JAK1: variants seen among roughly 807,000 people sequenced by gnomAD.
JAK1 encodes Janus kinase 1.
Under a neutral mutation model 136.6 loss-of-function variants are expected in JAK1, and 16 were observed. The ratio of observed to expected loss-of-function variants is 0.12; its 90% CI spans 0.08 to 0.18. The LOEUF (loss-of-function observed/expected upper bound fraction) is 0.18, where lower values mean the gene tolerates loss of function less well. Among genes scored for constraint, JAK1 ranks in the 10% least tolerant of loss-of-function variants. The pLI, the probability that JAK1 is intolerant of heterozygous loss-of-function variation, is 1.00. For missense variants in JAK1, 859 were observed against 1,450.1 expected (o/e 0.59, Z 6.62); for synonymous variants, 492 against 519.5 (o/e 0.95, Z 0.72).
intron 2 of JAK1, chr1:64,974,501 A>G (rs1192465741): frequency 6.6e-6 from 1 of 152,250 alleles, no homozygotes; most frequent in African/African-American, 2.4e-5. Flanking sequence ...AGGTATATAT[A>G]AACTAACCAT....
intron 1 of JAK1, among the ~76,000 whole-genome samples, chr1:64,905,152 CT>C: frequency 6.6e-6 from 1 of 152,294 alleles, no homozygotes; most frequent in South Asian, 2.1e-4. Flanking sequence ...CATCCCACAT[CT>C]TTCTGCAAGT....
At chr1:64,936,539 C>T (rs1222711754) in intron 1 of JAK1, among the ~76,000 whole-genome samples, 4 of 152,136 alleles carry the variant, frequency 2.6e-5, no homozygotes, top group Admixed American at 1.3e-4. Flanking sequence ...GTCACTCACC[C>T]ATCACCTGTC....
intron 2 of JAK1, among the ~76,000 whole-genome samples, chr1:64,986,252 T>G (rs1052726962): frequency 5.3e-5 from 8 of 151,938 alleles, no homozygotes; most frequent in South Asian, 4.1e-4. Flanking sequence ...ATTATAGGTG[T>G]GCACAACCAC....
rs1374932008 is a variant in JAK1, at chr1:64,932,638, T to C, written c.-78+33695A>G. Among the ~76,000 whole-genome samples the C allele has an allele frequency of 4.6e-5, 7 of 152,300 alleles. No homozygotes were observed. The East Asian group carries it at 1.4e-3, about 29-fold the overall frequency. ...CATTTTGAAATAATTTTAGATTTAC[T>C]CAAGACCTGCAAAGATAGTACACAG... On this transcript the variant is annotated intron_variant, in intron 1 of 24. Coordinates refer to ENST00000342505, the MANE Select transcript of JAK1 (RefSeq NM_002227.4).
chr1:64,950,856 A>T (rs944468365), intron 1 of JAK1, among the ~76,000 whole-genome samples: 2 of 152,232 alleles, frequency 1.3e-5, no homozygotes, highest in African/African-American at 2.4e-5. Context: ...ATGGATTAAA[A>T]AACAATCCCT....
intron 12 of JAK1, among the ~76,000 whole-genome samples, chr1:64,848,633 T>C (rs1570629846): frequency 6.6e-6 from 1 of 152,192 alleles, no homozygotes; most frequent in South Asian, 2.1e-4. Context: ...CAAGTTGCAA[T>C]AATTCTGCTT....
intron 2 of JAK1, among the ~76,000 whole-genome samples, chr1:64,994,732 G>A (rs1040526872): frequency 4.6e-5 from 7 of 152,096 alleles, no homozygotes; most frequent in South Asian, 2.1e-4. Context: ...TTGAATGGCC[G>A]AGAAGTGATT....
chr1:64,894,776 CA>C (rs796739115), intron 1 of JAK1, among the ~76,000 whole-genome samples: 1 of 151,386 alleles, frequency 6.6e-6, no homozygotes, highest in Non-Finnish European at 1.5e-5. Context: ...GACTACGTCT[CA>C]AAAAACAAAC....
Position 64,952,724 on chromosome 1 carries a change from G to A in JAK1, c.-78+13609C>T, listed in dbSNP as rs75947119. Among the ~76,000 whole-genome samples, 287 of 152,252 alleles carry A rather than the reference G, an allele frequency of 1.9e-3. 4 individuals carry two copies. The East Asian group carries it at 0.024, about 13-fold the overall frequency. On this transcript the variant is annotated intron_variant, in intron 1 of 24. Transcript: ENST00000342505. ...CAGAAGATAAGAAAGAGATACTAGG[G>A]AACTTCCAGATAACTTATGGGGCTG...
At chr1:65,062,607 T>C (rs189979036) in intron 1 of JAK1, among the ~76,000 whole-genome samples, 45 of 152,340 alleles carry the variant, frequency 3.0e-4, no homozygotes, top group Admixed American at 2.9e-3. Flanking sequence ...CTTCTATTCC[T>C]ACATCTGTAA....
intron 23 of JAK1, 37 bp from the exon 24 acceptor site, chr1:64,835,543 G>T: frequency 1.6e-6 from 2 of 1,252,228 alleles, no homozygotes; most frequent in South Asian, 1.3e-5. Flanking sequence ...GTTTAACTTT[G>T]CAAGTATTTA....
chr1:64,901,331 G>A (rs966400542), intron 1 of JAK1, among the ~76,000 whole-genome samples: 5 of 152,084 alleles, frequency 3.3e-5, no homozygotes, highest in Non-Finnish European at 7.4e-5. Context: ...TAGTTTATAT[G>A]CCTAACAGAA....
intron 2 of JAK1, among the ~76,000 whole-genome samples, chr1:64,976,971 G>A (rs1557739041): frequency 6.6e-6 from 1 of 151,986 alleles, no homozygotes; most frequent in South Asian, 2.1e-4. Flanking sequence ...TACTTCTCTT[G>A]GGCAATGTTC....
intron 21 of JAK1, 40 bp from the exon 22 acceptor site, chr1:64,838,144 C>T: frequency 6.4e-7 from 1 of 1,556,056 alleles, no homozygotes; most frequent in Non-Finnish European, 8.8e-7. Context: ...TTGCTAAAGT[C>T]ACTTTAGATT....
intron 2 of JAK1, among the ~76,000 whole-genome samples, chr1:64,982,233 C>T (rs1026838557): frequency 6.6e-6 from 1 of 152,154 alleles, no homozygotes; most frequent in African/African-American, 2.4e-5. Context: ...CTTCCTTTTA[C>T]AGAGTGTAAA....
chr1:64,893,948 T>C (rs1433870865), intron 1 of JAK1, among the ~76,000 whole-genome samples: 5 of 152,206 alleles, frequency 3.3e-5, no homozygotes, highest in Admixed American at 1.3e-4. Flanking sequence ...TACCAAGCAT[T>C]CACCTACTTC....
intron 1 of JAK1, among the ~76,000 whole-genome samples, chr1:64,948,122 T>C (rs1287111205): frequency 6.6e-6 from 1 of 152,216 alleles, no homozygotes; most frequent in Non-Finnish European, 1.5e-5. Context: ...AGATCTTCGA[T>C]GCAATGCTCC....
chr1:65,023,371 C>G (rs549536718), intron 2 of JAK1, among the ~76,000 whole-genome samples: 3 of 152,300 alleles, frequency 2.0e-5, no homozygotes, highest in African/African-American at 4.8e-5. Flanking sequence ...ACTGGTATTA[C>G]AAGCCTGAGC....
intron 2 of JAK1, among the ~76,000 whole-genome samples, chr1:65,029,554 G>A (rs1647005593): frequency 6.6e-6 from 1 of 152,096 alleles, no homozygotes. Flanking sequence ...CAAATACTTG[G>A]AATCAACCTA....
Sources: allele counts gnomAD v4.1 joint callset (sites outside exome capture counted in the v4.1 genomes callset), GRCh38; gene constraint gnomAD v4.1.1; transcripts MANE v1.5; gene names NCBI Gene and HGNC (gene_info 2026-07-23, HGNC 2026-07-21).